The following RUNX3 variants were observed in gnomAD, a reference collection of about 807,000 sequenced individuals.
The protein encoded by RUNX3 is RUNX family transcription factor 3, also known as runt-related transcription factor 3.
RUNX3 carries 10 observed loss-of-function variants against 27.7 expected under a neutral mutation model. That is an observed-to-expected ratio of 0.36 (90% confidence interval 0.22 to 0.61). The LOEUF (loss-of-function observed/expected upper bound fraction) is 0.61. Ranked by LOEUF, RUNX3 falls within the 20% of genes least tolerant of loss-of-function variation. The pLI is 0.72. For synonymous variants in RUNX3, 270 were observed against 269.2 expected (o/e 1.00, Z -0.03); for missense variants, 469 against 629.5 (o/e 0.75, Z 2.73).
At position 24,902,382 on chromosome 1, in the gene RUNX3, AG is replaced by A; in HGVS notation, c.987del (p.Tyr330ThrfsTer48). The A allele has an allele frequency of 6.2e-7, 1 of 1,612,502 alleles. No homozygotes were observed. The highest frequency in any genetic ancestry group is 8.5e-7 in the Non-Finnish European group (1 of 1,179,846). ...QSGPFQANPS[P>X]YHLYYGTSSG... ...GAGGATGTCCCGTAGTAGAGGTGGT[AG>A]GGGGACGGGTTGGCCTGGAAGGGCC... On this transcript the variant is annotated frameshift_variant, in exon 5 of 5. Transcript: ENST00000308873. LOFTEE classifies it high-confidence loss of function. The surrounding 1 kb of genome is among the most constrained non-coding windows in gnomAD (Gnocchi z 9.2).
chr1:24,950,002 C>T (rs1641716706), intron 2 of RUNX3, among the ~76,000 whole-genome samples: 1 of 152,250 alleles, frequency 6.6e-6, no homozygotes, highest in Non-Finnish European at 1.5e-5. Context: ...GCTCCCTCCT[C>T]TCACTTGCAG....
At chr1:24,954,834 G>A (rs1405325540) in intron 2 of RUNX3, among the ~76,000 whole-genome samples, 8 of 152,120 alleles carry the variant, frequency 5.3e-5, no homozygotes, top group African/African-American at 1.7e-4. Context: ...GTTCACACAC[G>A]TACCTACCCT....
intron 2 of RUNX3, among the ~76,000 whole-genome samples, chr1:24,946,954 G>C (rs1397046382): frequency 6.6e-6 from 1 of 152,198 alleles, no homozygotes; most frequent in Non-Finnish European, 1.5e-5. Context: ...CTAAGGCCCA[G>C]ATGCTTAGTT....
At chr1:24,949,097 C>G (rs1457080527) in intron 2 of RUNX3, among the ~76,000 whole-genome samples, 1 of 151,968 alleles carries the variant, frequency 6.6e-6, no homozygotes, top group African/African-American at 2.4e-5. Context: ...GTCTGCAGGT[C>G]TTCTTGATAC....
intron 2 of RUNX3, among the ~76,000 whole-genome samples, chr1:24,956,192 A>C (rs1353404184): frequency 6.6e-6 from 1 of 152,238 alleles, no homozygotes; most frequent in Non-Finnish European, 1.5e-5. Flanking sequence ...GGGTGGGAGC[A>C]GGCCGTTCCC....
intron 2 of RUNX3, among the ~76,000 whole-genome samples, chr1:24,951,799 G>A (rs1312987991): frequency 6.6e-6 from 1 of 152,144 alleles, no homozygotes; most frequent in Non-Finnish European, 1.5e-5. Context: ...AATCTCTCTG[G>A]GGTTCAGTTT....
At chr1:24,911,336 C>T (rs1240001538) in intron 3 of RUNX3, among the ~76,000 whole-genome samples, 1 of 152,218 alleles carries the variant, frequency 6.6e-6, no homozygotes, top group Non-Finnish European at 1.5e-5. Context: ...TGAGTCACAC[C>T]ATGTACAAAG....
rs1437391810 is a variant in RUNX3, at chr1:24,927,827, A to C, written c.283-97T>G. ...AGGGGCTGGGCTGGGCAGCTCCCCC[A>C]GGTCCCAGGCACACTGAGTATTTCT... On this transcript the variant is annotated intron_variant, in intron 1 of 4. Coordinates refer to ENST00000308873, the MANE Select transcript of RUNX3 (RefSeq NM_004350.3). This position sits in a 1 kb window ranked among gnomAD's most constrained non-coding sequence, Gnocchi z 5.0. The C allele has an allele frequency of 3.9e-6, 4 of 1,019,606 alleles. No individual in the cohort carries two copies. The highest frequency in any genetic ancestry group is 6.1e-6 in the Non-Finnish European group (4 of 652,484). The allele number at this position is 1,019,606 out of a possible 1,614,324, so 63.2% of individuals were successfully genotyped here. A position where few individuals can be genotyped will look rare whatever the true frequency, so the allele number is the denominator to read the frequency against.
chr1:24,932,750 G>A (rs1282127637), upstream of RUNX3, among the ~76,000 whole-genome samples: 2 of 152,098 alleles, frequency 1.3e-5, no homozygotes, highest in African/African-American at 2.4e-5. Context: ...GGAGAACTCC[G>A]ACTCCCCCAC....
rs1641519801 is a variant in RUNX3 at position 24,943,123 on chromosome 1, A to AGGC, written c.59-13274_59-13272dup. Among the ~76,000 whole-genome samples the AGGC allele has an allele frequency of 6.6e-6, 1 of 152,236 alleles. No individual in the cohort carries two copies. The highest frequency in any genetic ancestry group is 1.5e-5 in the Non-Finnish European group (1 of 68,032). On this transcript the variant is annotated intron_variant, in intron 2 of 6. Transcript: ENST00000338888. This position sits in a 1 kb window ranked among gnomAD's most constrained non-coding sequence, Gnocchi z 4.6. ...GATCTTGCCCGGTGTTCCAGCCACCAGGCGGGACCAGCGCCGGGCAGACTG... is the reference window on the plus strand; with the variant it reads ...GATCTTGCCCGGTGTTCCAGCCACCAGGCGGCGGGACCAGCGCCGGGCAGACTG...
At position 24,930,192 on chromosome 1, in the gene RUNX3, C is replaced by A. The variant is rs1334042363; in HGVS notation, c.-324G>T. The A allele has an allele frequency of 1.0e-6, 1 of 979,634 alleles. No homozygotes were observed. The highest frequency in any genetic ancestry group is 1.2e-6 in the Non-Finnish European group (1 of 827,206). The allele number at this position is 979,634 out of a possible 1,614,324, so 60.7% of individuals were successfully genotyped here. Reference sequence around the variant, plus strand: ...GGCCCGCGCGGGGCTGTGCCGCTGCCGCCGCCTCCCGCCCCGAAGCTCGCC... The same window carrying A: ...GGCCCGCGCGGGGCTGTGCCGCTGCAGCCGCCTCCCGCCCCGAAGCTCGCC... On this transcript the variant is annotated 5_prime_UTR_variant, in exon 1 of 5. Coordinates refer to ENST00000308873, the MANE Select transcript of RUNX3 (RefSeq NM_004350.3). The surrounding 1 kb of genome is among the most constrained non-coding windows in gnomAD (Gnocchi z 4.1).
chr1:24,960,569 C>T (rs1210001442), intron 2 of RUNX3, among the ~76,000 whole-genome samples: 2 of 152,224 alleles, frequency 1.3e-5, no homozygotes, highest in Non-Finnish European at 2.9e-5. Flanking sequence ...GGCCCATTTC[C>T]TTGGCTTCCC....
chr1:24,929,135 T>C (rs1641158311), intron 1 of RUNX3: 1 of 462,400 alleles, frequency 2.2e-6, no homozygotes. Flanking sequence ...AGCCCGAGGG[T>C]GTGAGCAGGA....
In RUNX3 at chr1:24,927,392, A is replaced by G. The variant is rs187626940; in HGVS notation, c.439+182T>C. Among the ~76,000 whole-genome samples the G allele has an allele frequency of 3.6e-3, 544 of 152,358 alleles. 3 individuals carry two copies. Among genetic ancestry groups the G allele is most frequent in the Middle Eastern group, 0.034 (10 of 294 alleles). On this transcript the variant is annotated intron_variant, in intron 2 of 4. Transcript: ENST00000308873. The surrounding 1 kb of genome is among the most constrained non-coding windows in gnomAD (Gnocchi z 5.0). ...AATTGTCTTTTTCTGGCAAGAGACC[A>G]TAACTTTCCTCACCTCCTCAAAGCG...
In RUNX3 at chr1:24,901,668, G is replaced by C. The variant is rs1266082633; in HGVS notation, c.*454C>G. The C allele has an allele frequency of 6.0e-6, 1 of 165,922 alleles. No homozygotes were observed. The highest frequency in any genetic ancestry group is 5.9e-5 in the Admixed American group (1 of 16,898). 10.3% of individuals were successfully genotyped at this position (165,922 alleles called of 1,614,324 possible). On this transcript the variant is annotated 3_prime_UTR_variant, in exon 5 of 5. Transcript: ENST00000308873. ...AAATGCAGAGGGGGCTGGACCCAGG[G>C]GATGCAGGGGCTCCAACGAAGGTGC...
At chr1:24,956,841 C>T (rs886712475) in intron 2 of RUNX3, among the ~76,000 whole-genome samples, 10 of 152,220 alleles carry the variant, frequency 6.6e-5, no homozygotes, top group Admixed American at 4.6e-4. Context: ...CCGCCTTTCC[C>T]TTTGCGTTCT....
intron 2 of RUNX3, among the ~76,000 whole-genome samples, chr1:24,924,952 T>C (rs1571320712): frequency 6.6e-6 from 1 of 152,238 alleles, no homozygotes; most frequent in South Asian, 2.1e-4. Context: ...AGCTCTGTGG[T>C]GTTACTGGGT....
chr1:24,964,689 G>C (rs1571380742), intron 1 of RUNX3: 2 of 1,510,392 alleles, frequency 1.3e-6, no homozygotes, highest in East Asian at 2.5e-5. Context: ...TAAAAGGGGG[G>C]GGTGTTGCTT....
chr1:24,933,727 G>A (rs114257010), upstream of RUNX3, among the ~76,000 whole-genome samples: 986 of 152,262 alleles, frequency 6.5e-3, 9 homozygotes, highest in African/African-American at 0.023. Flanking sequence ...GCCCCCAGCC[G>A]GCCGCCCTCC....
Sources: allele counts gnomAD v4.1 joint callset (sites outside exome capture counted in the v4.1 genomes callset), GRCh38; gene constraint gnomAD v4.1.1; non-coding constraint Gnocchi (gnomAD v3.1); transcripts MANE v1.5; gene names NCBI Gene and HGNC (gene_info 2026-07-23, HGNC 2026-07-21).